Variants in CTNND2 observed in about 807,000 individuals in gnomAD.
CTNND2 encodes the protein catenin delta 2, also known as catenin delta-2.
In CTNND2, 22 loss-of-function variants were observed where a neutral mutation model predicts 144.4. The observed-to-expected ratio is 0.15, with a 90% CI of 0.11 to 0.22. The LOEUF is 0.22. Among genes scored for constraint, CTNND2 ranks in the 10% least tolerant of loss-of-function variants. The pLI is 1.00. For synonymous variants in CTNND2, 751 were observed against 695.6 expected (o/e 1.08, Z -1.25); for missense variants, 1,353 against 1,618.8 (o/e 0.84, Z 2.82).
intron 11 of CTNND2, among the ~76,000 whole-genome samples, chr5:11,168,109 T>C (rs1265729981): frequency 6.6e-6 from 1 of 152,190 alleles, no homozygotes; most frequent in Non-Finnish European, 1.5e-5. Flanking sequence ...CAAAAGACTA[T>C]AATTGACTGA....
At chr5:11,892,390 G>A (rs181854687) in intron 1 of CTNND2, among the ~76,000 whole-genome samples, 3 of 152,248 alleles carry the variant, frequency 2.0e-5, no homozygotes, top group Non-Finnish European at 2.9e-5. Context: ...TATGCTGACA[G>A]TAAACATGAA....
At chr5:11,068,188 G>T (rs1747826267) in intron 16 of CTNND2, among the ~76,000 whole-genome samples, 1 of 152,108 alleles carries the variant, frequency 6.6e-6, no homozygotes, top group Non-Finnish European at 1.5e-5. Flanking sequence ...AAGATTAGCA[G>T]GCAATTTTTA....
chr5:11,391,417 C>T (rs898127005), intron 6 of CTNND2, among the ~76,000 whole-genome samples: 2 of 152,120 alleles, frequency 1.3e-5, no homozygotes, highest in African/African-American at 4.8e-5. Flanking sequence ...AAAATGCTTA[C>T]AGTCATATTT....
Position 11,600,500 on chromosome 5 carries a change from G to C in CTNND2, c.175-35444C>G, listed in dbSNP as rs539695402. Among the ~76,000 whole-genome samples the C allele has an allele frequency of 7.9e-5, 12 of 152,126 alleles. No homozygotes were observed. In the South Asian group the frequency reaches 1.0e-3, roughly 13 times the overall value. ...GCAGGTGGACCACTTGAAGTCAGGAGTTCGAGACCAGTTTGACCAACATAG... is the reference window on the plus strand; with the variant it reads ...GCAGGTGGACCACTTGAAGTCAGGACTTCGAGACCAGTTTGACCAACATAG... On this transcript the variant is annotated intron_variant, in intron 2 of 21. Coordinates refer to ENST00000304623, the MANE Select transcript of CTNND2 (RefSeq NM_001332.4).
Position 11,412,066 on chromosome 5 carries a change from T to C in CTNND2, c.291A>G (p.Ser97=), listed in dbSNP as rs1355436156. The C allele has an allele frequency of 6.2e-7, 1 of 1,610,776 alleles. No homozygotes were observed. The highest frequency in any genetic ancestry group is 1.3e-5 in the African/African-American group (1 of 74,956). ...SETGSMSSMS[S]AEEQFQWQSQ... Reference sequence around the variant, plus strand: ...ACTGCCACTGAAACTGCTCTTCTGCTGAACTGTAAAAAAGAAAATACAGAG... The same window carrying C: ...ACTGCCACTGAAACTGCTCTTCTGCCGAACTGTAAAAAAGAAAATACAGAG... The change falls in exon 4 of 22, where the codon TCA becomes TCG. Residue 97 remains serine, a synonymous_variant. Transcript: ENST00000304623.
rs921584582 is a variant in CTNND2, at chr5:11,857,715, G to C, written c.37+46102C>G. 2.6e-5 allele frequency among the ~76,000 whole-genome samples: 4 copies of C among 152,164 alleles called. No individual in the cohort carries two copies. In the East Asian group the frequency reaches 7.7e-4, roughly 29 times the overall value. On this transcript the variant is annotated intron_variant, in intron 1 of 21. Coordinates refer to ENST00000304623, the MANE Select transcript of CTNND2 (RefSeq NM_001332.4). ...AGCTGAGCTACAAATGTGCATATTG[G>C]ATCAGGGACTACCTATGCTATTAAC...
chr5:11,103,276 C>T (rs1365914014), intron 14 of CTNND2, among the ~76,000 whole-genome samples: 1 of 151,966 alleles, frequency 6.6e-6, no homozygotes, highest in Non-Finnish European at 1.5e-5. Context: ...GCCACCGCAC[C>T]CGGTCTATTT....
intron 2 of CTNND2, among the ~76,000 whole-genome samples, chr5:11,632,086 C>A (rs564310510): frequency 6.6e-6 from 1 of 152,172 alleles, no homozygotes; most frequent in Non-Finnish European, 1.5e-5. Flanking sequence ...AGAAGAATGG[C>A]AGCTCCTTGA....
Position 11,248,304 on chromosome 5 carries a change from G to A in CTNND2, c.1629-11481C>T, listed in dbSNP as rs1743211196. On this transcript the variant is annotated intron_variant, in intron 9 of 21. Coordinates refer to ENST00000304623, the MANE Select transcript of CTNND2 (RefSeq NM_001332.4). ...ATTAAGAATTTGAGAAAACCACAAA[G>A]GCCTTGGTCACCCTCAAAATGTTTT... 2.0e-5 allele frequency among the ~76,000 whole-genome samples: 3 copies of A among 151,788 alleles called. No individual in the cohort carries two copies. The South Asian group carries it at 6.3e-4, about 32-fold the overall frequency.
chr5:11,518,157 A>G (rs1772362225), intron 3 of CTNND2, among the ~76,000 whole-genome samples: 1 of 152,166 alleles, frequency 6.6e-6, no homozygotes, highest in Non-Finnish European at 1.5e-5. Flanking sequence ...TGAAGCTGAA[A>G]ATGTCCTATT....
chr5:11,656,890 G>A (rs745821573), intron 2 of CTNND2, among the ~76,000 whole-genome samples: 7 of 152,102 alleles, frequency 4.6e-5, no homozygotes, highest in Non-Finnish European at 8.8e-5. Context: ...GGCCATGGCA[G>A]AATTCTCAAA....
intron 1 of CTNND2, among the ~76,000 whole-genome samples, chr5:11,814,233 C>G (rs1260133059): frequency 1.3e-5 from 2 of 152,106 alleles, no homozygotes; most frequent in African/African-American, 4.8e-5. Context: ...TAAAATGCAT[C>G]TGTATTTTGA....
intron 2 of CTNND2, among the ~76,000 whole-genome samples, chr5:11,730,382 C>A (rs975943138): frequency 3.9e-5 from 6 of 152,154 alleles, no homozygotes; most frequent in African/African-American, 1.4e-4. Flanking sequence ...TCAGTTATGA[C>A]AACACCACGT....
chr5:11,655,214 C>T (rs1263720567), intron 2 of CTNND2, among the ~76,000 whole-genome samples: 2 of 151,514 alleles, frequency 1.3e-5, no homozygotes, highest in Non-Finnish European at 2.9e-5. Context: ...CATACTGAAC[C>T]TTAGTGGGAA....
intron 15 of CTNND2, among the ~76,000 whole-genome samples, chr5:11,084,748 C>A (rs1193025677): frequency 2.6e-5 from 4 of 152,072 alleles, no homozygotes; most frequent in Admixed American, 6.5e-5. Context: ...TTTGAGATCT[C>A]TTCTAATTCT....
chr5:11,842,536 G>C lies in CTNND2; in HGVS notation c.37+61281C>G, dbSNP rs148084598. On this transcript the variant is annotated intron_variant, in intron 1 of 21. Coordinates refer to ENST00000304623, the MANE Select transcript of CTNND2 (RefSeq NM_001332.4). ...AGATCGAGACCATCCTGGCTAACAT[G>C]ATGAAACCCCATCTCTACTAAAAAT... Among the ~76,000 whole-genome samples the C allele has an allele frequency of 4.3e-3, 659 of 152,072 alleles. 5 individuals are homozygous for C. Among genetic ancestry groups the C allele is most frequent in the African/African-American group, 0.015 (618 of 41,474 alleles).
At chr5:11,116,221 C>A (rs1195056928) in intron 13 of CTNND2, among the ~76,000 whole-genome samples, 2 of 152,164 alleles carry the variant, frequency 1.3e-5, no homozygotes, top group South Asian at 4.1e-4. Flanking sequence ...GGATTAAGGT[C>A]ACGGTTCATA....
chr5:11,741,690 C>T (rs185728584), intron 1 of CTNND2, among the ~76,000 whole-genome samples: 1 of 151,114 alleles, frequency 6.6e-6, no homozygotes, highest in East Asian at 1.9e-4. Context: ...GCACGTTGTA[C>T]ACATGTACCC....
At chr5:11,643,490 G>GT (rs1349804650) in intron 2 of CTNND2, among the ~76,000 whole-genome samples, 6 of 148,828 alleles carry the variant, frequency 4.0e-5, no homozygotes, top group East Asian at 2.0e-4. Context: ...GCGGTGTTTG[G>GT]TTTTTTGTCC....
Sources: allele counts gnomAD v4.1 joint callset (sites outside exome capture counted in the v4.1 genomes callset), GRCh38; gene constraint gnomAD v4.1.1; transcripts MANE v1.5; gene names NCBI Gene and HGNC (gene_info 2026-07-23, HGNC 2026-07-21).